Variants in FSTL5 observed in about 807,000 individuals in gnomAD.
FSTL5 encodes the protein follistatin like 5, also known as follistatin-related protein 5.
In FSTL5, 62 loss-of-function variants were observed where a neutral mutation model predicts 89.1. That is an observed-to-expected ratio of 0.70 (90% CI 0.57 to 0.86). The LOEUF (loss-of-function observed/expected upper bound fraction) is 0.86. Ranked by LOEUF, FSTL5 falls within the 40% of genes least tolerant of loss-of-function variation. The pLI is 0.00. For synonymous variants in FSTL5, 383 were observed against 346.2 expected (o/e 1.11, Z -1.18); for missense variants, 1,057 against 1,001.6 (o/e 1.06, Z -0.75).
chr4:161,756,663 T>G (rs1189789065), intron 6 of FSTL5, among the ~76,000 whole-genome samples: 1 of 152,096 alleles, frequency 6.6e-6, no homozygotes, highest in African/African-American at 2.4e-5. Context: ...GCAGTACTAT[T>G]TTTCCCCTTG....
At chr4:161,392,718 T>TA (rs1481449705) in intron 15 of FSTL5, among the ~76,000 whole-genome samples, 9 of 152,180 alleles carry the variant, frequency 5.9e-5, no homozygotes, top group Non-Finnish European at 8.8e-5. Flanking sequence ...GTAGCTTCCC[T>TA]AAAGTCACTC....
At chr4:161,994,090 T>C (rs1210245558) in intron 3 of FSTL5, among the ~76,000 whole-genome samples, 1 of 152,160 alleles carries the variant, frequency 6.6e-6, no homozygotes, top group Non-Finnish European at 1.5e-5. Flanking sequence ...TGTTCCTTTC[T>C]TTGTGTGAAT....
intron 10 of FSTL5, among the ~76,000 whole-genome samples, chr4:161,534,880 G>A (rs1731540699): frequency 6.6e-6 from 1 of 152,066 alleles, no homozygotes. Flanking sequence ...CAGACACATA[G>A]AGCAATGGAA....
intron 6 of FSTL5, among the ~76,000 whole-genome samples, chr4:161,667,280 G>A (rs1736935032): frequency 6.6e-6 from 1 of 152,060 alleles, no homozygotes; most frequent in Non-Finnish European, 1.5e-5. Context: ...TCAGTGATAT[G>A]TGTGACACAC....
intron 3 of FSTL5, among the ~76,000 whole-genome samples, chr4:161,993,034 G>T (rs1736184108): frequency 6.7e-6 from 1 of 148,840 alleles, no homozygotes; most frequent in African/African-American, 2.5e-5. Flanking sequence ...GTGTGGAGGG[G>T]CATATTGTTT....
chr4:161,469,727 TC>T (rs1733871643), intron 13 of FSTL5, among the ~76,000 whole-genome samples: 2 of 151,744 alleles, frequency 1.3e-5, no homozygotes, highest in Admixed American at 6.6e-5. Flanking sequence ...AAGCTCCGCC[TC>T]CCGGGTTCAC....
chr4:161,621,608 T>A (rs1735125938), intron 7 of FSTL5, among the ~76,000 whole-genome samples: 1 of 151,722 alleles, frequency 6.6e-6, no homozygotes. Context: ...CAAAGCAAAA[T>A]TTATTTACTT....
At chr4:161,915,250 A>G (rs1733805918) in intron 4 of FSTL5, among the ~76,000 whole-genome samples, 1 of 152,112 alleles carries the variant, frequency 6.6e-6, no homozygotes. Flanking sequence ...TATTATTATT[A>G]TCACTAGTCC....
chr4:161,708,813 T>C (rs1738676242), intron 6 of FSTL5, among the ~76,000 whole-genome samples: 1 of 152,158 alleles, frequency 6.6e-6, no homozygotes, highest in African/African-American at 2.4e-5. Context: ...TGATGCTAGT[T>C]CTAGATCTAT....
intron 3 of FSTL5, among the ~76,000 whole-genome samples, chr4:161,983,559 G>T (rs1408434998): frequency 6.6e-6 from 1 of 152,118 alleles, no homozygotes; most frequent in South Asian, 2.1e-4. Context: ...TCTGTGGTTT[G>T]AGATTTATAC....
At chr4:162,057,496 T>C (rs1450427232) in intron 2 of FSTL5, among the ~76,000 whole-genome samples, 2 of 152,218 alleles carry the variant, frequency 1.3e-5, no homozygotes, top group African/African-American at 4.8e-5. Flanking sequence ...CATAATGCAG[T>C]ACAGTATGCA....
chr4:161,454,231 G>A (rs1733271386), intron 15 of FSTL5, among the ~76,000 whole-genome samples: 1 of 152,146 alleles, frequency 6.6e-6, no homozygotes, highest in Non-Finnish European at 1.5e-5. Context: ...ATTCACTTGA[G>A]TAAAAGGACA....
intron 6 of FSTL5, among the ~76,000 whole-genome samples, chr4:161,715,497 C>T (rs190756266): frequency 3.9e-5 from 6 of 152,228 alleles, no homozygotes; most frequent in Non-Finnish European, 8.8e-5. Context: ...GACTTTTAGA[C>T]AGTGGAGAGA....
chr4:161,868,217 C>A (rs1218928363), intron 4 of FSTL5, among the ~76,000 whole-genome samples: 6 of 152,122 alleles, frequency 3.9e-5, no homozygotes, highest in Admixed American at 1.3e-4. Context: ...TGAATTTAGT[C>A]TACCATTTCT....
intron 1 of FSTL5, among the ~76,000 whole-genome samples, chr4:162,118,740 A>C (rs941467263): frequency 4.6e-5 from 7 of 152,132 alleles, no homozygotes; most frequent in Non-Finnish European, 1.0e-4. Context: ...ATCCATAAAG[A>C]AGAGCAAGAA....
intron 4 of FSTL5, among the ~76,000 whole-genome samples, chr4:161,875,445 G>C (rs1397897208): frequency 6.6e-6 from 1 of 151,982 alleles, no homozygotes; most frequent in African/African-American, 2.4e-5. Flanking sequence ...TTCATCTTCC[G>C]GTTGGCTGCT....
intron 15 of FSTL5, among the ~76,000 whole-genome samples, chr4:161,418,101 T>C (rs980084214): frequency 2.0e-5 from 3 of 152,172 alleles, no homozygotes; most frequent in Non-Finnish European, 2.9e-5. Context: ...GTTTTCCTCC[T>C]GCAGCCCAAT....
At chr4:161,898,699 G>A (rs1012467256) in intron 4 of FSTL5, among the ~76,000 whole-genome samples, 1 of 144,384 alleles carries the variant, frequency 6.9e-6, no homozygotes, top group Non-Finnish European at 1.5e-5. Context: ...GCATGATCTC[G>A]GCTCACTGCA....
intron 3 of FSTL5, among the ~76,000 whole-genome samples, chr4:161,986,646 A>T (rs557882744): frequency 4.3e-4 from 65 of 152,360 alleles, no homozygotes; most frequent in African/African-American, 1.5e-3. Context: ...GCACATTATT[A>T]TTTAAATATT....
Sources: gnomAD v4.1 joint callset for allele counts (sites outside exome capture counted in the v4.1 genomes callset) on GRCh38, gnomAD v4.1.1 for gene constraint, MANE v1.5 for transcripts, NCBI Gene and HGNC (gene_info 2026-07-23, HGNC 2026-07-21) for gene names.